GALNTL6: variants seen among roughly 807,000 people sequenced by gnomAD.
GALNTL6 encodes polypeptide N-acetylgalactosaminyltransferase-like 6.
A neutral mutation model predicts 73.7 loss-of-function variants in GALNTL6; 46 were observed. The observed-to-expected ratio is 0.62, with a 90% CI of 0.49 to 0.80. The LOEUF (loss-of-function observed/expected upper bound fraction) is 0.80, where lower values mean the gene tolerates loss of function less well. Among genes scored for constraint, GALNTL6 ranks in the 30% least tolerant of loss-of-function variants. The probability of loss-of-function intolerance (pLI) is 0.00; values close to 1 mark genes in which losing one functional copy is unlikely to be tolerated. For synonymous variants in GALNTL6, 259 were observed against 263.7 expected (o/e 0.98, Z 0.17); for missense variants, 604 against 755.0 (o/e 0.80, Z 2.34).
chr4:171,949,665 A>G (rs1197704741), intron 2 of GALNTL6, among the ~76,000 whole-genome samples: 1 of 152,204 alleles, frequency 6.6e-6, no homozygotes, highest in African/African-American at 2.4e-5. Context: ...CAAAAGCAAG[A>G]CTAAGTAAAA....
chr4:172,743,607 C>A (rs1356426611), intron 5 of GALNTL6, among the ~76,000 whole-genome samples: 1 of 151,954 alleles, frequency 6.6e-6, no homozygotes, highest in Non-Finnish European at 1.5e-5. Context: ...AAGGTCCTGG[C>A]TCATCAAAAA....
At chr4:172,632,204 T>C (rs144151704) in intron 5 of GALNTL6, among the ~76,000 whole-genome samples, 3 of 152,288 alleles carry the variant, frequency 2.0e-5, no homozygotes, top group Admixed American at 6.5e-5. Flanking sequence ...TTGTTACCAA[T>C]AGAGTGGGGT....
chr4:172,154,073 T>C (rs1444266300), intron 2 of GALNTL6, among the ~76,000 whole-genome samples: 3 of 151,862 alleles, frequency 2.0e-5, no homozygotes, highest in African/African-American at 4.8e-5. Flanking sequence ...TTCAGAGTAC[T>C]TTATTACAAT....
At chr4:172,492,541 G>A (rs338001) in intron 5 of GALNTL6, among the ~76,000 whole-genome samples, 152,160 of 152,304 alleles carry the variant, frequency 1, 76,008 homozygotes, top group Non-Finnish European at 1. Context: ...AAAGATTAGT[G>A]GGAAGAAATT....
At chr4:173,028,511 T>C (rs1184458154) in intron 12 of GALNTL6, among the ~76,000 whole-genome samples, 1 of 152,202 alleles carries the variant, frequency 6.6e-6, no homozygotes, top group African/African-American at 2.4e-5. Context: ...TCCTTCTTTC[T>C]ACTTAAAACA....
At chr4:171,819,522 T>C (rs980983016) in intron 2 of GALNTL6, among the ~76,000 whole-genome samples, 1 of 152,098 alleles carries the variant, frequency 6.6e-6, no homozygotes, top group Non-Finnish European at 1.5e-5. Context: ...TTGGAATATA[T>C]AGGAAAAGGG....
intron 2 of GALNTL6, among the ~76,000 whole-genome samples, chr4:172,078,939 A>T (rs1462503214): frequency 6.6e-6 from 1 of 152,180 alleles, no homozygotes; most frequent in African/African-American, 2.4e-5. Context: ...TTCATTTATC[A>T]TAATAAGGCA....
intron 5 of GALNTL6, among the ~76,000 whole-genome samples, chr4:172,723,150 G>A (rs967314522): frequency 6.6e-6 from 1 of 152,250 alleles, no homozygotes; most frequent in East Asian, 1.9e-4. Context: ...TCTCTCTAAA[G>A]GATCTGCGTG....
chr4:172,565,388 G>A (rs1736518548), intron 5 of GALNTL6, among the ~76,000 whole-genome samples: 1 of 152,106 alleles, frequency 6.6e-6, no homozygotes, highest in Non-Finnish European at 1.5e-5. Context: ...CTGTTAATGT[G>A]ATGTATCACA....
chr4:172,179,812 C>T (rs1180056509), intron 2 of GALNTL6, among the ~76,000 whole-genome samples: 1 of 152,058 alleles, frequency 6.6e-6, no homozygotes, highest in East Asian at 1.9e-4. Flanking sequence ...AATCTTTAAT[C>T]CATGTGACAC....
chr4:172,994,923 C>G (rs896772580), intron 10 of GALNTL6, among the ~76,000 whole-genome samples: 2 of 152,158 alleles, frequency 1.3e-5, no homozygotes, highest in African/African-American at 4.8e-5. Context: ...GTATATTAGA[C>G]CATATTTTCA....
chr4:172,570,039 T>C (rs1050736803), intron 5 of GALNTL6, among the ~76,000 whole-genome samples: 5 of 152,084 alleles, frequency 3.3e-5, no homozygotes, highest in Admixed American at 6.5e-5. Flanking sequence ...TAATTTGGAG[T>C]TCATTGATGA....
At chr4:172,854,650 TA>T (rs547087047) in intron 7 of GALNTL6, among the ~76,000 whole-genome samples, 2 of 151,896 alleles carry the variant, frequency 1.3e-5, no homozygotes, top group South Asian at 4.2e-4. Context: ...TATCCAATTG[TA>T]AAAAAAACCC....
intron 4 of GALNTL6, among the ~76,000 whole-genome samples, chr4:172,328,891 C>G (rs988892677): frequency 6.6e-6 from 1 of 152,098 alleles, no homozygotes; most frequent in African/African-American, 2.4e-5. Flanking sequence ...GGTTAAGAAC[C>G]CTTGGAAAAC....
chr4:172,035,033 T>C (rs1386235095), intron 2 of GALNTL6, among the ~76,000 whole-genome samples: 5 of 152,156 alleles, frequency 3.3e-5, no homozygotes, highest in African/African-American at 4.8e-5. Context: ...ATTATATTAC[T>C]ATTCAAGATA....
chr4:172,921,327 C>T (rs1241994709), intron 8 of GALNTL6, among the ~76,000 whole-genome samples: 1 of 152,078 alleles, frequency 6.6e-6, no homozygotes, highest in Non-Finnish European at 1.5e-5. Context: ...TCCTAATAAC[C>T]AGTTTCTTAT....
intron 2 of GALNTL6, among the ~76,000 whole-genome samples, chr4:171,866,916 G>A (rs1735985666): frequency 6.6e-6 from 1 of 151,898 alleles, no homozygotes; most frequent in Non-Finnish European, 1.5e-5. Context: ...TGAATTTTAG[G>A]GAGACACACA....
chr4:171,902,105 C>G (rs1737117848), intron 2 of GALNTL6, among the ~76,000 whole-genome samples: 1 of 152,030 alleles, frequency 6.6e-6, no homozygotes, highest in Non-Finnish European at 1.5e-5. Context: ...GTTATATAAG[C>G]AACAAGAAAT....
At chr4:172,441,205 A>G (rs1206072036) in intron 5 of GALNTL6, among the ~76,000 whole-genome samples, 1 of 152,102 alleles carries the variant, frequency 6.6e-6, no homozygotes, top group Non-Finnish European at 1.5e-5. Flanking sequence ...ACTATCTTCA[A>G]TACTACCTTT....
Sources: gnomAD v4.1 joint callset for allele counts (sites outside exome capture counted in the v4.1 genomes callset) on GRCh38, gnomAD v4.1.1 for gene constraint, MANE v1.5 for transcripts, NCBI Gene and HGNC (gene_info 2026-07-23, HGNC 2026-07-21) for gene names.